ZDHHC7: variants seen among roughly 807,000 people sequenced by gnomAD.
The protein encoded by ZDHHC7 is zDHHC palmitoyltransferase 7, also known as palmitoyltransferase ZDHHC7.
Under a neutral mutation model 34.1 loss-of-function variants are expected in ZDHHC7, and 12 were observed. That is an observed-to-expected ratio of 0.35 (90% CI 0.23 to 0.57). The LOEUF (loss-of-function observed/expected upper bound fraction) is 0.57, where lower values mean the gene tolerates loss of function less well. Among genes scored for constraint, ZDHHC7 ranks in the 20% least tolerant of loss-of-function variants. The pLI is 0.84. For missense variants in ZDHHC7, 388 were observed against 402.7 expected, an observed-to-expected ratio of 0.96 and a Z score of 0.31; for synonymous variants, 185 against 155.4, an observed-to-expected ratio of 1.19 and a Z score of -1.42.
intron 3 of ZDHHC7, among the ~76,000 whole-genome samples, chr16:84,982,335 A>T (rs1222461579): frequency 6.8e-6 from 1 of 146,376 alleles, no homozygotes; most frequent in Non-Finnish European, 1.5e-5. Flanking sequence ...ACAGGGCAAG[A>T]CTCCATCTCA....
At chr16:84,980,403 C>A (rs2072352627) in intron 4 of ZDHHC7, among the ~76,000 whole-genome samples, 1 of 152,058 alleles carries the variant, frequency 6.6e-6, no homozygotes, top group Non-Finnish European at 1.5e-5. Flanking sequence ...GGCGAGGTGG[C>A]TCATGCCTGT....
the ZDHHC7 span, among the ~76,000 whole-genome samples, chr16:85,017,013 C>G: frequency 1.3e-5 from 2 of 151,646 alleles, no homozygotes; most frequent in South Asian, 4.2e-4. Context: ...GTGATCTTGG[C>G]TCATTGCAAC....
chr16:84,991,375 T>A (rs1364376275), intron 2 of ZDHHC7, among the ~76,000 whole-genome samples: 1 of 152,074 alleles, frequency 6.6e-6, no homozygotes, highest in African/African-American at 2.4e-5. Flanking sequence ...AACCTCCGTC[T>A]CCCAGGTTCA....
At chr16:84,977,317 C>G (rs1597528293) in intron 6 of ZDHHC7, 92 bp from the exon 7 acceptor site, 1 of 1,510,836 alleles carries the variant, frequency 6.6e-7, no homozygotes, top group East Asian at 2.3e-5. Flanking sequence ...GGGCCAGCCC[C>G]TGGCCAGCTT....
the ZDHHC7 span, among the ~76,000 whole-genome samples, chr16:85,018,741 C>T: frequency 6.6e-6 from 1 of 151,936 alleles, no homozygotes; most frequent in African/African-American, 2.4e-5. Context: ...TGAGCCACTG[C>T]GCCCAGCTGG....
intron 3 of ZDHHC7, chr16:84,988,967 C>T (rs1173782632): frequency 1.6e-6 from 2 of 1,274,028 alleles, no homozygotes; most frequent in African/African-American, 1.5e-5. Context: ...CTTTGGGCAA[C>T]AAACAAGGGG....
rs377685247 is a variant in ZDHHC7, at chr16:84,997,441, T to C, written c.-103-1434A>G. ...CCACCACCACACCCAGCTAATTATC[T>C]TTTGTATTTTTAGTAGAGACGTGGT... On this transcript the variant is annotated intron_variant, in intron 1 of 7. Transcript: ENST00000313732. Among the ~76,000 whole-genome samples the C allele has an allele frequency of 8.6e-5, 13 of 150,996 alleles. No individual in the cohort carries two copies. In the East Asian group the frequency reaches 1.6e-3, roughly 19 times the overall value.
rs147784191 is a variant in ZDHHC7 at position 84,981,939 on chromosome 16, T to C, written c.371A>G (p.Lys124Arg). ...TKEYMESLQL[K>R]PGEVIYKCPK... ...GCACTTGTAGATGACTTCCCCGGGC[T>C]TCAGCTGCAAGCTCTCCATGTATTC... is the stretch of plus-strand genomic sequence containing the variant. Residue 124 changes from lysine (K) to arginine (R), a missense_variant, in exon 4 of 8, where the codon AAG becomes AGG. By Grantham distance (26) the Lys-to-Arg change is conservative. Transcript: ENST00000313732. 14 of 1,614,110 alleles carry C rather than the reference T, an allele frequency of 8.7e-6. No individual in the cohort carries two copies. Among genetic ancestry groups the C allele is most frequent in the African/African-American group, 1.3e-5 (1 of 74,932 alleles).
chr16:84,988,166 G>A (rs1026875919), intron 3 of ZDHHC7, among the ~76,000 whole-genome samples: 3 of 151,930 alleles, frequency 2.0e-5, no homozygotes, highest in Admixed American at 6.5e-5. Flanking sequence ...GTGAGACTCC[G>A]TCTCAAAAAA....
intron 1 of ZDHHC7, among the ~76,000 whole-genome samples, chr16:85,008,304 G>C (rs891022637): frequency 1.3e-5 from 2 of 151,858 alleles, no homozygotes; most frequent in African/African-American, 4.9e-5. Context: ...TGCATAATGG[G>C]GCCTCAATAA....
At chr16:85,007,759 C>G (rs935332216) in intron 1 of ZDHHC7, among the ~76,000 whole-genome samples, 1 of 152,016 alleles carries the variant, frequency 6.6e-6, no homozygotes, top group East Asian at 1.9e-4. Flanking sequence ...CTAGAAGGGA[C>G]AGTCATTTGT....
At chr16:85,018,788 G>A in the ZDHHC7 span, among the ~76,000 whole-genome samples, 2 of 152,144 alleles carry the variant, frequency 1.3e-5, no homozygotes, top group East Asian at 1.9e-4. Context: ...GGCAGGGAGA[G>A]AGAGAAACTC....
At chr16:85,000,294 T>C (rs926486144) in intron 1 of ZDHHC7, among the ~76,000 whole-genome samples, 2 of 151,996 alleles carry the variant, frequency 1.3e-5, no homozygotes, top group African/African-American at 4.8e-5. Context: ...AGCAGTGGAG[T>C]CACTTTTCTT....
At chr16:84,982,560 G>A (rs2072384606) in intron 3 of ZDHHC7, among the ~76,000 whole-genome samples, 1 of 152,130 alleles carries the variant, frequency 6.6e-6, no homozygotes, top group African/African-American at 2.4e-5. Context: ...GATAAGCACT[G>A]CCCAGAGTTT....
chr16:84,994,653 C>T (rs2072553385), intron 2 of ZDHHC7, among the ~76,000 whole-genome samples: 3 of 152,094 alleles, frequency 2.0e-5, no homozygotes, highest in Admixed American at 2.0e-4. Flanking sequence ...CCTGGGGGTG[C>T]GGATGGCAGG....
At chr16:85,009,512 G>C (rs569735725) in intron 1 of ZDHHC7, among the ~76,000 whole-genome samples, 26 of 150,924 alleles carry the variant, frequency 1.7e-4, no homozygotes, top group East Asian at 3.9e-4. Flanking sequence ...AGTTCCCATT[G>C]TTACTTAGCG....
chr16:84,977,285 T>G (rs2143538095), intron 6 of ZDHHC7, 60 bp from the exon 7 acceptor site: 1 of 1,596,484 alleles, frequency 6.3e-7, no homozygotes, highest in Non-Finnish European at 8.6e-7. Flanking sequence ...GCAGAATGTT[T>G]GGCTCAGAGA....
intron 1 of ZDHHC7, among the ~76,000 whole-genome samples, chr16:85,005,443 CA>C (rs2072706163): frequency 6.6e-6 from 1 of 152,154 alleles, no homozygotes; most frequent in Non-Finnish European, 1.5e-5. Flanking sequence ...CACACGTGAC[CA>C]CCACCCTAAA....
chr16:85,018,627 A>T, the ZDHHC7 span, among the ~76,000 whole-genome samples: 1 of 152,028 alleles, frequency 6.6e-6, no homozygotes, highest in Non-Finnish European at 1.5e-5. Context: ...TTGTATTTTT[A>T]GTAGAGACGG....
Sources: allele counts gnomAD v4.1 joint callset (sites outside exome capture counted in the v4.1 genomes callset), GRCh38; gene constraint gnomAD v4.1.1; transcripts MANE v1.5; gene names NCBI Gene and HGNC (gene_info 2026-07-23, HGNC 2026-07-21).